PTPRN2: variants seen among roughly 807,000 people sequenced by gnomAD.
PTPRN2 encodes receptor-type tyrosine-protein phosphatase N2.
A neutral mutation model predicts 118.8 loss-of-function variants in PTPRN2; 74 were observed. The ratio of observed to expected loss-of-function variants is 0.62; its 90% CI spans 0.52 to 0.76. The LOEUF is 0.76. PTPRN2 is among the 30% of genes least tolerant of loss of function. The pLI is 0.00. For missense variants in PTPRN2, 1,481 were observed against 1,394.4 expected (o/e 1.06, Z -0.99); for synonymous variants, 641 against 608.0 (o/e 1.05, Z -0.80).
At chr7:157,726,795 C>T (rs192585491) in intron 12 of PTPRN2, among the ~76,000 whole-genome samples, 6 of 152,346 alleles carry the variant, frequency 3.9e-5, no homozygotes, top group Admixed American at 3.9e-4. Context: ...GAAACTTCCA[C>T]AACTCAACTA....
At chr7:157,669,098 G>C (rs1218614817) in intron 13 of PTPRN2, among the ~76,000 whole-genome samples, 1 of 152,130 alleles carries the variant, frequency 6.6e-6, no homozygotes, top group Non-Finnish European at 1.5e-5. Flanking sequence ...GTCTCTGATC[G>C]GCACCGCTAC....
At chr7:157,875,034 CACACACACGCGCACACACAG>C in intron 12 of PTPRN2, among the ~76,000 whole-genome samples, 1 of 151,466 alleles carries the variant, frequency 6.6e-6, no homozygotes, top group Non-Finnish European at 1.5e-5. Flanking sequence ...CACACGCAGA[CACACACACGCGCACACACAG>C]ACACACACAC....
chr7:157,670,300 C>T (rs1379521750), intron 13 of PTPRN2, among the ~76,000 whole-genome samples: 6 of 152,102 alleles, frequency 3.9e-5, no homozygotes, highest in Non-Finnish European at 7.3e-5. Context: ...TGCTGAAACC[C>T]GACCTCCTGC....
At chr7:158,343,512 T>G (rs12698214) in intron 2 of PTPRN2, among the ~76,000 whole-genome samples, 32,632 of 152,172 alleles carry the variant, frequency 0.21, 3,896 homozygotes, top group Middle Eastern at 0.32. Context: ...AAAAGTTCAA[T>G]GTGGAAGTAG....
At chr7:157,910,119 C>T (rs1053086685) in intron 11 of PTPRN2, among the ~76,000 whole-genome samples, 3 of 152,264 alleles carry the variant, frequency 2.0e-5, no homozygotes, top group African/African-American at 7.2e-5. Flanking sequence ...TCCTGATTTG[C>T]AGTCTCATGA....
In PTPRN2 at chr7:157,560,529, G is replaced by A. The variant is rs1799134508; in HGVS notation, c.2902+8373C>T. Reference sequence around the variant, plus strand: ...CCCTTACACGGGACAGGGCACTGCAGACCGGCCCGGGAACCTGGGGACACC... The same window carrying A: ...CCCTTACACGGGACAGGGCACTGCAAACCGGCCCGGGAACCTGGGGACACC... On this transcript the variant is annotated intron_variant, in intron 21 of 22. Coordinates refer to ENST00000389418, the MANE Select transcript of PTPRN2 (RefSeq NM_002847.5). The surrounding 1 kb of genome is among the most constrained non-coding windows in gnomAD (Gnocchi z 6.7). Among the ~76,000 whole-genome samples the A allele has an allele frequency of 6.6e-6, 1 of 152,172 alleles. No homozygotes were observed. The highest frequency in any genetic ancestry group is 1.9e-4 in the East Asian group (1 of 5,170).
chr7:157,615,572 C>T lies in PTPRN2; in HGVS notation c.2344+5790G>A. 4.2e-6 allele frequency: 2 copies of T among 471,244 alleles called. No individual in the cohort carries two copies. Among genetic ancestry groups the T allele is most frequent in the South Asian group, 3.1e-5 (2 of 64,566 alleles). The allele number at this position is 471,244 out of a possible 1,614,324, so 29.2% of individuals were successfully genotyped here. A position where few individuals can be genotyped will look rare whatever the true frequency, so the allele number is the denominator to read the frequency against. Reference sequence around the variant, plus strand: ...AACAATCTCAGCCCTGGAACCAGCGCCTGGGAAGTCCCGCGGTGGATCCGC... The same window carrying T: ...AACAATCTCAGCCCTGGAACCAGCGTCTGGGAAGTCCCGCGGTGGATCCGC... On this transcript the variant is annotated intron_variant, in intron 15 of 22. Coordinates refer to ENST00000389418, the MANE Select transcript of PTPRN2 (RefSeq NM_002847.5). The surrounding 1 kb of genome is among the most constrained non-coding windows in gnomAD (Gnocchi z 4.3).
chr7:157,975,236 C>A (rs966661661), intron 11 of PTPRN2, among the ~76,000 whole-genome samples: 3 of 152,164 alleles, frequency 2.0e-5, no homozygotes, highest in African/African-American at 7.2e-5. Flanking sequence ...TCTTGTCCAC[C>A]CCATGATTCC....
At chr7:157,681,711 G>A (rs1796923110) in intron 13 of PTPRN2, among the ~76,000 whole-genome samples, 1 of 152,182 alleles carries the variant, frequency 6.6e-6, no homozygotes, top group South Asian at 2.1e-4. Context: ...GTATGGTGCT[G>A]GAGGGCGCTT....
intron 12 of PTPRN2, among the ~76,000 whole-genome samples, chr7:157,694,158 A>C (rs1230831087): frequency 6.6e-6 from 1 of 152,208 alleles, no homozygotes; most frequent in East Asian, 1.9e-4. Context: ...TTCCAACATC[A>C]AAGCACCGCA....
intron 12 of PTPRN2, among the ~76,000 whole-genome samples, chr7:157,879,205 C>T (rs1173710692): frequency 1.3e-5 from 2 of 150,726 alleles, no homozygotes; most frequent in Non-Finnish European, 2.9e-5. Context: ...CTCTCGGATT[C>T]CGTGGGGCTG....
chr7:158,170,833 C>T (rs1371543420), intron 5 of PTPRN2, among the ~76,000 whole-genome samples: 1 of 152,064 alleles, frequency 6.6e-6, no homozygotes, highest in Non-Finnish European at 1.5e-5. Context: ...ATGCTACGAG[C>T]TTAATGACCT....
At chr7:158,559,810 G>C in intron 1 of PTPRN2, among the ~76,000 whole-genome samples, 1 of 152,208 alleles carries the variant, frequency 6.6e-6, no homozygotes, top group East Asian at 1.9e-4. Flanking sequence ...GTGAGGCGAT[G>C]TCAAAGAACA....
chr7:157,839,805 CTG>C (rs1411642292), intron 12 of PTPRN2, among the ~76,000 whole-genome samples: 2 of 150,388 alleles, frequency 1.3e-5, no homozygotes, highest in African/African-American at 4.9e-5. Context: ...CCATATGTGA[CTG>C]TGTGACCAGG....
intron 2 of PTPRN2, among the ~76,000 whole-genome samples, chr7:158,407,196 CCTGGGTCCTGGGTCCTGCGTCCT>C (rs1478138592): frequency 0.034 from 983 of 28,868 alleles, 134 homozygotes; most frequent in East Asian, 0.12. Context: ...GGTCCTGGGT[CCTGGGTCCTGGGTCCTGCGTCCT>C]GCGTCCTGGG....
intron 12 of PTPRN2, among the ~76,000 whole-genome samples, chr7:157,795,424 G>A (rs76693099): frequency 1.3e-5 from 2 of 152,210 alleles, no homozygotes; most frequent in Non-Finnish European, 2.9e-5. Flanking sequence ...CCCTCCCCAG[G>A]GGGCTGAGGC....
At chr7:158,523,359 AGTCTGCCCTGGAGTGGAGTC>A (rs1221698304) in intron 1 of PTPRN2, among the ~76,000 whole-genome samples, 6 of 110,896 alleles carry the variant, frequency 5.4e-5, no homozygotes, top group Non-Finnish European at 1.0e-4. Context: ...CCTGAAGTGG[AGTCTGCCCTGGAGTGGAGTC>A]GTCTGCCCTG....
At position 157,629,443 on chromosome 7, in the gene PTPRN2, C is replaced by A. The variant is rs866319079; in HGVS notation, c.2197-7934G>T. ...ATAATGAGAATAAACTCCCACCATG[C>A]AATACTAAAACTCCTAAGGAGTCCT... On this transcript the variant is annotated intron_variant, in intron 14 of 22. Transcript: ENST00000389418. This position sits in a 1 kb window ranked among gnomAD's most constrained non-coding sequence, Gnocchi z 4.4. 7.2e-5 allele frequency among the ~76,000 whole-genome samples: 11 copies of A among 152,180 alleles called. No homozygotes were observed. The highest frequency in any genetic ancestry group is 3.4e-3 in the Middle Eastern group (1 of 294).
intron 2 of PTPRN2, among the ~76,000 whole-genome samples, chr7:158,377,847 G>C (rs1446677688): frequency 6.6e-6 from 1 of 151,984 alleles, no homozygotes; most frequent in Non-Finnish European, 1.5e-5. Flanking sequence ...CAGGGTGCAG[G>C]CAGAAGCCTC....
Sources: allele counts gnomAD v4.1 joint callset (sites outside exome capture counted in the v4.1 genomes callset), GRCh38; gene constraint gnomAD v4.1.1; non-coding constraint Gnocchi (gnomAD v3.1); transcripts MANE v1.5; gene names NCBI Gene and HGNC (gene_info 2026-07-23, HGNC 2026-07-21).